Variants in COL19A1 observed in about 807,000 individuals in gnomAD.
COL19A1 encodes collagen type XIX alpha 1 chain, also known as collagen alpha-1(XIX) chain.
A neutral mutation model predicts 190.2 loss-of-function variants in COL19A1; 159 were observed. That is an observed-to-expected ratio of 0.84 (90% CI 0.73 to 0.95). The LOEUF (loss-of-function observed/expected upper bound fraction) is 0.95, where lower values mean the gene tolerates loss of function less well. COL19A1 is among the 40% of genes least tolerant of loss of function. The pLI is 0.00. For synonymous variants in COL19A1, 509 were observed against 458.9 expected, an observed-to-expected ratio of 1.11 and a Z score of -1.39; for missense variants, 1,418 against 1,431.9, an observed-to-expected ratio of 0.99 and a Z score of 0.16.
At chr6:70,028,684 C>T (rs995052595) in intron 12 of COL19A1, among the ~76,000 whole-genome samples, 2 of 152,132 alleles carry the variant, frequency 1.3e-5, no homozygotes, top group African/African-American at 4.8e-5. Flanking sequence ...GAGGCAGCTT[C>T]TAAGGCTTTT....
chr6:69,908,111 G>C (rs1770678963), intron 4 of COL19A1, among the ~76,000 whole-genome samples: 1 of 152,156 alleles, frequency 6.6e-6, no homozygotes, highest in South Asian at 2.1e-4. Flanking sequence ...TTCATTCCTT[G>C]CCTCTTAAGG....
Position 69,946,290 on chromosome 6 carries a change from T to A in COL19A1, c.936+8190T>A, listed in dbSNP as rs73746825. On this transcript the variant is annotated intron_variant, in intron 9 of 50. Transcript: ENST00000620364. ...CTGTGAGGTTATTACTAAGAGAATG[T>A]ATCCTTATTTTTAAAAATTATGAAC... Among the ~76,000 whole-genome samples, 1,304 of 152,206 alleles carry A rather than the reference T, an allele frequency of 8.6e-3. 23 individuals are homozygous for A. The highest frequency in any genetic ancestry group is 0.029 in the African/African-American group (1,220 of 41,546).
At position 70,023,681 on chromosome 6, in the gene COL19A1, G is replaced by A; in HGVS notation, c.1080+1G>A. 2 of 1,609,770 alleles carry A rather than the reference G, an allele frequency of 1.2e-6. No individual in the cohort carries two copies. Among genetic ancestry groups the A allele is most frequent in the Non-Finnish European group, 1.7e-6 (2 of 1,178,408 alleles). ...TCTGGCTGGCCTTAATGGAGAAAAT[G>A]TAAGCCTAACTCTTTTTTCTGATAC... On this transcript the variant is annotated splice_donor_variant, in intron 12 of 50. Transcript: ENST00000620364. LOFTEE classifies it high-confidence loss of function.
intron 48 of COL19A1, among the ~76,000 whole-genome samples, chr6:70,199,205 A>G (rs1025723108): frequency 6.6e-6 from 1 of 152,258 alleles, no homozygotes. Flanking sequence ...GAATTCATGA[A>G]TATATTTTAA....
intron 14 of COL19A1, among the ~76,000 whole-genome samples, chr6:70,040,646 C>T (rs539859901): frequency 4.0e-5 from 6 of 151,884 alleles, no homozygotes; most frequent in East Asian, 1.9e-4. Flanking sequence ...TTCATGTTCA[C>T]GGGTCATATG....
rs189102523 is a variant in COL19A1, at chr6:70,068,435, A to G, written c.1183A>G (p.Ile395Val). Residue 395 changes from isoleucine to valine, a missense_variant, in exon 15 of 51, where the codon ATA becomes GTA. Physicochemically the swap from Ile to Val is conservative, Grantham distance 29 (BLOSUM62 3). Transcript: ENST00000620364. Reference protein sequence around the residue: ...GPPALPGSLGIQGPQGPPGKE... With the variant: ...GPPALPGSLGVQGPQGPPGKE... The stretch of plus-strand genomic sequence containing the variant: ...TTTTTCCTCATAGGGTTCCCTGGGG[A>G]TACAAGGCCCCCAAGGTCCACCTGG... The G allele has an allele frequency of 1.5e-5, 24 of 1,599,208 alleles. No individual in the cohort carries two copies. In the East Asian group the frequency reaches 3.6e-4, roughly 24 times the overall value.
chr6:70,001,759 GT>G (rs1777277813), intron 11 of COL19A1, among the ~76,000 whole-genome samples: 3 of 152,144 alleles, frequency 2.0e-5, no homozygotes, highest in African/African-American at 7.2e-5. Context: ...GGCTTAAGGA[GT>G]TTTTGCGCTG....
chr6:70,137,334 T>C (rs1395965846), intron 18 of COL19A1, among the ~76,000 whole-genome samples: 1 of 152,200 alleles, frequency 6.6e-6, no homozygotes, highest in Non-Finnish European at 1.5e-5. Flanking sequence ...TCTGATGTCT[T>C]TGAGATCACA....
chr6:69,895,638 A>G (rs1442756917), intron 2 of COL19A1, among the ~76,000 whole-genome samples: 2 of 152,212 alleles, frequency 1.3e-5, no homozygotes, highest in African/African-American at 4.8e-5. Context: ...CCCCACTGCA[A>G]AGAGTGTGAG....
chr6:70,145,909 T>C (rs911883561), intron 25 of COL19A1, among the ~76,000 whole-genome samples: 6 of 151,902 alleles, frequency 3.9e-5, no homozygotes, highest in Non-Finnish European at 7.4e-5. Context: ...TTTGTATAGA[T>C]GGGGTTTCAC....
intron 4 of COL19A1, among the ~76,000 whole-genome samples, chr6:69,915,252 A>G (rs1279053232): frequency 1.3e-5 from 2 of 152,182 alleles, no homozygotes; most frequent in Admixed American, 6.5e-5. Flanking sequence ...ACAACAACCC[A>G]CCAGGGCCTA....
intron 14 of COL19A1, among the ~76,000 whole-genome samples, chr6:70,047,121 T>C (rs1034597943): frequency 6.6e-6 from 1 of 152,120 alleles, no homozygotes; most frequent in Non-Finnish European, 1.5e-5. Context: ...TTGAATAACC[T>C]GTTAAAGAAT....
At chr6:70,140,859 G>C in intron 19 of COL19A1, 95 bp from the exon 20 acceptor site, 1 of 1,115,376 alleles carries the variant, frequency 9.0e-7, no homozygotes, top group Non-Finnish European at 1.4e-6. Flanking sequence ...TTTGCAATGG[G>C]AATCTGAGTT....
At chr6:70,010,316 C>T (rs1777909570) in intron 11 of COL19A1, among the ~76,000 whole-genome samples, 1 of 152,120 alleles carries the variant, frequency 6.6e-6, no homozygotes, top group African/African-American at 2.4e-5. Context: ...CATGATTAGT[C>T]ATTAGGAAAA....
In COL19A1 at chr6:70,207,347, T is replaced by G; in HGVS notation, c.*73T>G. 3 of 678,142 alleles carry G rather than the reference T, an allele frequency of 4.4e-6. No homozygotes were observed. Among genetic ancestry groups the G allele is most frequent in the Non-Finnish European group, 6.6e-6 (3 of 457,366 alleles). The allele number at this position is 678,142 out of a possible 1,614,324, so 42.0% of individuals were successfully genotyped here. A position where few individuals can be genotyped will look rare whatever the true frequency, so the allele number is the denominator to read the frequency against. On this transcript the variant is annotated 3_prime_UTR_variant, in exon 51 of 51. Coordinates refer to ENST00000620364, the MANE Select transcript of COL19A1 (RefSeq NM_001858.6). ...GAGCTCTCTTAATACCGTCAAACCC[T>G]CATCATCTGTGGGTTGCTTTTTTTT...
At chr6:70,128,321 A>G (rs985339417) in intron 17 of COL19A1, among the ~76,000 whole-genome samples, 2 of 152,210 alleles carry the variant, frequency 1.3e-5, no homozygotes, top group African/African-American at 4.8e-5. Flanking sequence ...CTAAGCCACA[A>G]AGGTAAATAA....
At chr6:70,030,489 A>C (rs2150112327) in intron 12 of COL19A1, among the ~76,000 whole-genome samples, 1 of 152,206 alleles carries the variant, frequency 6.6e-6, no homozygotes, top group East Asian at 1.9e-4. Flanking sequence ...CCATTTTTCT[A>C]AATGCTGTAC....
chr6:69,899,130 T>A, intron 3 of COL19A1, 108 bp downstream of exon 3: 1 of 706,396 alleles, frequency 1.4e-6, no homozygotes, highest in South Asian at 2.0e-5. Flanking sequence ...TTTAAGATCA[T>A]AGCATTAACG....
At chr6:70,075,638 TC>T (rs566566363) in intron 15 of COL19A1, among the ~76,000 whole-genome samples, 1 of 152,146 alleles carries the variant, frequency 6.6e-6, no homozygotes, top group African/African-American at 2.4e-5. Context: ...TCACAGGCCA[TC>T]CCTTAGATAA....
Sources: gnomAD v4.1 joint callset for allele counts (sites outside exome capture counted in the v4.1 genomes callset) on GRCh38, gnomAD v4.1.1 for gene constraint, MANE v1.5 for transcripts, NCBI Gene and HGNC (gene_info 2026-07-23, HGNC 2026-07-21) for gene names.